The following BMP2K variants were observed in gnomAD, a reference collection of about 807,000 sequenced individuals.
The protein encoded by BMP2K is BMP2 inducible kinase.
Under a neutral mutation model 116.0 loss-of-function variants are expected in BMP2K, and 74 were observed. The observed-to-expected ratio is 0.64, with a 90% CI of 0.53 to 0.77. The LOEUF (loss-of-function observed/expected upper bound fraction) is 0.77. Ranked by LOEUF, BMP2K falls within the 30% of genes least tolerant of loss-of-function variation. BMP2K has a pLI of 0.00. For missense variants in BMP2K, 1,365 were observed against 1,403.6 expected (o/e 0.97, Z 0.44); for synonymous variants, 486 against 502.5 (o/e 0.97, Z 0.44).
chr4:78,782,388 T>C (rs1727545341), intron 1 of BMP2K, among the ~76,000 whole-genome samples: 1 of 152,270 alleles, frequency 6.6e-6, no homozygotes, highest in Non-Finnish European at 1.5e-5. Flanking sequence ...ATTGATGTTG[T>C]ATCACACAAG....
At chr4:78,867,919 G>C (rs148667767) in intron 10 of BMP2K, among the ~76,000 whole-genome samples, 4,344 of 152,232 alleles carry the variant, frequency 0.029, 228 homozygotes, top group African/African-American at 0.099. Context: ...AATTAGCTGG[G>C]TGTAGTGGCA....
chr4:78,817,014 A>G (rs893346695), intron 1 of BMP2K, among the ~76,000 whole-genome samples: 58 of 152,322 alleles, frequency 3.8e-4, no homozygotes, highest in African/African-American at 1.3e-3. Flanking sequence ...AATTCATATT[A>G]CATGTCTCTG....
chr4:78,887,469 C>G (rs1733159209), intron 15 of BMP2K, among the ~76,000 whole-genome samples, 185 bp downstream of exon 15: 1 of 152,088 alleles, frequency 6.6e-6, no homozygotes, highest in South Asian at 2.1e-4. Flanking sequence ...TCAGTTGTAT[C>G]TTTGCCAACA....
intron 1 of BMP2K, among the ~76,000 whole-genome samples, chr4:78,788,533 A>G (rs1177571084): frequency 6.6e-6 from 1 of 152,140 alleles, no homozygotes; most frequent in Non-Finnish European, 1.5e-5. Flanking sequence ...GTAAATTTTC[A>G]TCTTTTAGCA....
At chr4:78,819,029 A>G (rs1374691349) in intron 1 of BMP2K, among the ~76,000 whole-genome samples, 6 of 152,224 alleles carry the variant, frequency 3.9e-5, no homozygotes, top group Admixed American at 3.3e-4. Flanking sequence ...TTTTGAAGCA[A>G]TAAGCACTTC....
rs188215860 is a variant in BMP2K at position 78,801,275 on chromosome 4, A to G, written c.178+24554A>G. On this transcript the variant is annotated intron_variant, in intron 1 of 15. Transcript: ENST00000502613. ...TAGGTGGCCCAATCCTAGATACTCAAGTGAGAAATGAATTCACTTGCCATG... is the reference window on the plus strand; with the variant it reads ...TAGGTGGCCCAATCCTAGATACTCAGGTGAGAAATGAATTCACTTGCCATG... Among the ~76,000 whole-genome samples, 150 of 152,032 alleles carry G rather than the reference A, an allele frequency of 9.9e-4. 1 individual carries two copies. The highest frequency in any genetic ancestry group is 3.1e-3 in the African/African-American group (128 of 41,512).
chr4:78,840,172 G>C (rs1324141127), intron 3 of BMP2K, among the ~76,000 whole-genome samples: 1 of 152,074 alleles, frequency 6.6e-6, no homozygotes, highest in Non-Finnish European at 1.5e-5. Flanking sequence ...GCTTTTTAAT[G>C]TTAGTGATGA....
intron 3 of BMP2K, among the ~76,000 whole-genome samples, chr4:78,837,755 C>T (rs1560522679): frequency 6.6e-6 from 1 of 152,126 alleles, no homozygotes; most frequent in East Asian, 1.9e-4. Context: ...TCTGCCTCAG[C>T]CTCTTGAGTA....
chr4:78,911,740 C>T lies in BMP2K; in HGVS notation c.3193C>T (p.Leu1065=), dbSNP rs1383444973. 2 of 1,613,868 alleles carry T rather than the reference C, an allele frequency of 1.2e-6. No individual in the cohort carries two copies. Among genetic ancestry groups the T allele is most frequent in the Non-Finnish European group, 1.7e-6 (2 of 1,179,904 alleles). The change falls in exon 16 of 16, where the codon CTG becomes TTG. Residue 1065 remains leucine (L), a synonymous_variant. Transcript: ENST00000502613. The part of the protein sequence containing the change: ...RGNVLQPEES[L]LDPFGAKPFH... Reference sequence around the variant, plus strand: ...GAATGTCTTACAACCTGAGGAGAGCCTGTTGGACCCCTTCGGTGCCAAGCC... The same window carrying T: ...GAATGTCTTACAACCTGAGGAGAGCTTGTTGGACCCCTTCGGTGCCAAGCC...
intron 15 of BMP2K, among the ~76,000 whole-genome samples, chr4:78,889,382 G>T (rs1178619601): frequency 6.6e-6 from 1 of 152,052 alleles, no homozygotes; most frequent in Non-Finnish European, 1.5e-5. Context: ...CGTCTCCTGA[G>T]AAAGAAGAAA....
intron 15 of BMP2K, among the ~76,000 whole-genome samples, chr4:78,903,502 CA>C (rs1560555420): frequency 6.6e-6 from 1 of 151,872 alleles, no homozygotes; most frequent in Non-Finnish European, 1.5e-5. Context: ...ATTTAGTGAA[CA>C]TTCACTAAAT....
At chr4:78,784,212 T>G (rs1197622830) in intron 1 of BMP2K, among the ~76,000 whole-genome samples, 1 of 152,218 alleles carries the variant, frequency 6.6e-6, no homozygotes, top group East Asian at 1.9e-4. Flanking sequence ...ATACATCCAA[T>G]AGAGCTCATT....
At chr4:78,855,803 T>A (rs1352557225) in intron 7 of BMP2K, among the ~76,000 whole-genome samples, 1 of 152,210 alleles carries the variant, frequency 6.6e-6, no homozygotes, top group Non-Finnish European at 1.5e-5. Flanking sequence ...AGATTTACAC[T>A]ATTGAGTGAG....
At chr4:78,780,591 G>A (rs1215706798) in intron 1 of BMP2K, among the ~76,000 whole-genome samples, 1 of 152,176 alleles carries the variant, frequency 6.6e-6, no homozygotes, top group African/African-American at 2.4e-5. Flanking sequence ...CCAGTAACTT[G>A]TAAGTTCACA....
chr4:78,872,464 C>G (rs1246615124), intron 12 of BMP2K, 150 bp from the exon 13 acceptor site: 1 of 634,530 alleles, frequency 1.6e-6, no homozygotes, highest in Non-Finnish European at 2.5e-6. Context: ...CTGTAGTTTT[C>G]TAGTAATAGA....
intron 1 of BMP2K, among the ~76,000 whole-genome samples, chr4:78,785,746 C>A (rs926749641): frequency 6.6e-6 from 1 of 152,130 alleles, no homozygotes; most frequent in Non-Finnish European, 1.5e-5. Context: ...AAATTGGGTA[C>A]CTTTTGTTTC....
intron 8 of BMP2K, among the ~76,000 whole-genome samples, chr4:78,860,687 G>A (rs1486338236): frequency 2.0e-5 from 3 of 151,162 alleles, no homozygotes; most frequent in Non-Finnish European, 4.4e-5. Context: ...AGATCATTCT[G>A]GCCTGACCTG....
At chr4:78,895,706 CA>C (rs1253660545) in intron 15 of BMP2K, among the ~76,000 whole-genome samples, 3 of 152,018 alleles carry the variant, frequency 2.0e-5, no homozygotes, top group Non-Finnish European at 4.4e-5. Flanking sequence ...TTTTATGGAG[CA>C]AAAGGACTAT....
At chr4:78,877,863 G>T (rs1274753094) in intron 13 of BMP2K, among the ~76,000 whole-genome samples, 1 of 152,154 alleles carries the variant, frequency 6.6e-6, no homozygotes, top group Non-Finnish European at 1.5e-5. Flanking sequence ...TAGGTGATAG[G>T]AATTTTTCAG....
Sources: gnomAD v4.1 joint callset for allele counts (sites outside exome capture counted in the v4.1 genomes callset) on GRCh38, gnomAD v4.1.1 for gene constraint, MANE v1.5 for transcripts, NCBI Gene and HGNC (gene_info 2026-07-23, HGNC 2026-07-21) for gene names.